The following PRELID2 variants were observed in gnomAD, a reference collection of about 807,000 sequenced individuals.
PRELID2 encodes the protein PRELI domain-containing protein 2.
A neutral mutation model predicts 28.4 loss-of-function variants in PRELID2; 25 were observed. The observed-to-expected ratio is 0.88, with a 90% confidence interval of 0.64 to 1.23. PRELID2 has a LOEUF of 1.23. Among genes scored for constraint, PRELID2 ranks in the 50% most tolerant of loss-of-function variants. The pLI is 0.00. For synonymous variants in PRELID2, 76 were observed against 71.6 expected, an observed-to-expected ratio of 1.06 and a Z score of -0.31; for missense variants, 201 against 214.4, an observed-to-expected ratio of 0.94 and a Z score of 0.39.
At chr5:145,250,334 C>T in the PRELID2 span, among the ~76,000 whole-genome samples, 2 of 152,084 alleles carry the variant, frequency 1.3e-5, no homozygotes, top group African/African-American at 4.8e-5. Context: ...ATACATTAAA[C>T]ATATTTGTAA....
intron 1 of PRELID2, among the ~76,000 whole-genome samples, chr5:145,683,486 T>A (rs1250859914): frequency 2.0e-5 from 3 of 152,256 alleles, no homozygotes; most frequent in Middle Eastern, 3.4e-3. Flanking sequence ...GATGTCAGGA[T>A]GTTTGGTTTC....
chr5:145,662,971 T>C (rs1754523250), intron 1 of PRELID2, among the ~76,000 whole-genome samples: 1 of 152,160 alleles, frequency 6.6e-6, no homozygotes, highest in Non-Finnish European at 1.5e-5. Flanking sequence ...AGTGAAAATA[T>C]AATGGCTTCT....
chr5:145,650,531 C>CATATATATATATATATAT (rs56324486), intron 1 of PRELID2, among the ~76,000 whole-genome samples: 2 of 68,732 alleles, frequency 2.9e-5, no homozygotes, highest in African/African-American at 5.2e-5. Flanking sequence ...CACATATATA[C>CATATATATATATATATAT]ATATATATAT....
At chr5:145,747,333 A>T (rs1277511865) in intron 1 of PRELID2, among the ~76,000 whole-genome samples, 2 of 152,144 alleles carry the variant, frequency 1.3e-5, no homozygotes, top group African/African-American at 2.4e-5. Context: ...ATAAAAAATG[A>T]TAAAGGGGAT....
chr5:145,818,048 T>A lies in PRELID2; in HGVS notation c.214A>T (p.Ile72Phe). Residue 72 changes from isoleucine (I) to phenylalanine (F), a missense_variant, in exon 4 of 7, where the codon ATT becomes TTT. Transcript: ENST00000683046. ...VVPEILRKVS[I>F]LKVPNIQLEE... Reference sequence around the variant, plus strand: ...AATTGGATATTAGGTACTTTCAAAATGCTCACCTGTCCAACAGAAAGAAAA... The same window carrying A: ...AATTGGATATTAGGTACTTTCAAAAAGCTCACCTGTCCAACAGAAAGAAAA... 2 of 1,611,946 alleles carry A rather than the reference T, an allele frequency of 1.2e-6. No homozygotes were observed. The highest frequency in any genetic ancestry group is 1.7e-6 in the Non-Finnish European group (2 of 1,178,978).
At chr5:145,231,240 C>T in the PRELID2 span, among the ~76,000 whole-genome samples, 2 of 151,344 alleles carry the variant, frequency 1.3e-5, no homozygotes, top group Non-Finnish European at 2.9e-5. Context: ...TTTGTCATGA[C>T]TTTTGACATT....
At chr5:145,501,846 T>A (rs1752362034) in intron 1 of PRELID2, among the ~76,000 whole-genome samples, 1 of 152,182 alleles carries the variant, frequency 6.6e-6, no homozygotes. Flanking sequence ...TCTATGTCCA[T>A]AACCCTCTGA....
chr5:145,409,855 C>T, the PRELID2 span, among the ~76,000 whole-genome samples: 16 of 151,872 alleles, frequency 1.1e-4, no homozygotes, highest in African/African-American at 3.1e-4. Flanking sequence ...ATAGCCAAAG[C>T]AAGACTAAGC....
intron 1 of PRELID2, among the ~76,000 whole-genome samples, chr5:145,677,750 C>T (rs1160632232): frequency 6.6e-6 from 1 of 152,190 alleles, no homozygotes; most frequent in East Asian, 1.9e-4. Flanking sequence ...CCACCATTCA[C>T]CTCAAGCACT....
chr5:145,703,683 C>A (rs1411518438), intron 1 of PRELID2, among the ~76,000 whole-genome samples: 1 of 152,178 alleles, frequency 6.6e-6, no homozygotes, highest in Non-Finnish European at 1.5e-5. Flanking sequence ...ATCAACTCCA[C>A]ACCAAAATCA....
chr5:145,811,082 CAAAAAAAAAAAAAAAAAAAAAAA>C (rs56978118), intron 4 of PRELID2, among the ~76,000 whole-genome samples: 1 of 26,730 alleles, frequency 3.7e-5, no homozygotes, highest in Non-Finnish European at 6.8e-5. Context: ...TGGCAGCAGG[CAAAAAAAAAAAAAAAAAAAAAAA>C]AAAAAAAAAA....
intron 1 of PRELID2, among the ~76,000 whole-genome samples, chr5:145,702,115 TATTG>T (rs1755423024): frequency 6.6e-6 from 1 of 152,108 alleles, no homozygotes; most frequent in South Asian, 2.1e-4. Context: ...TTTATTAATA[TATTG>T]ATTTATACAT....
At chr5:145,329,190 C>T in the PRELID2 span, among the ~76,000 whole-genome samples, 9 of 152,058 alleles carry the variant, frequency 5.9e-5, no homozygotes, top group Admixed American at 2.0e-4. Context: ...CTTGTAGTAT[C>T]GTTTGAGGTC....
chr5:145,262,253 T>A, the PRELID2 span, among the ~76,000 whole-genome samples: 2 of 152,002 alleles, frequency 1.3e-5, no homozygotes, highest in East Asian at 3.8e-4. Flanking sequence ...AAGAGAAATC[T>A]AAGTTTGGAA....
chr5:145,757,093 A>C lies in PRELID2; in HGVS notation c.*3443T>G, dbSNP rs75427318. Among the ~76,000 whole-genome samples the C allele has an allele frequency of 0.021, 3,139 of 152,350 alleles. 90 individuals are homozygous for C. Among genetic ancestry groups the C allele is most frequent in the East Asian group, 0.078 (407 of 5,192 alleles). ...TAGTTTGATGTAAATGATTGAAATA[A>C]AGTAAAAAAGATGTGCAAGTTAAAA... On this transcript the variant is annotated 3_prime_UTR_variant, in exon 7 of 7. Transcript: ENST00000683046.
At chr5:145,232,089 G>A in the PRELID2 span, among the ~76,000 whole-genome samples, 292 of 152,192 alleles carry the variant, frequency 1.9e-3, 1 homozygote, top group African/African-American at 6.6e-3. Context: ...CTAGTGTCTC[G>A]TGTAGAGGTT....
At chr5:145,462,825 C>T in the PRELID2 span, among the ~76,000 whole-genome samples, 1 of 152,176 alleles carries the variant, frequency 6.6e-6, no homozygotes, top group South Asian at 2.1e-4. Flanking sequence ...TAGTTGGCTC[C>T]TTAATCCTAG....
At chr5:145,457,601 AC>A in the PRELID2 span, among the ~76,000 whole-genome samples, 1 of 152,160 alleles carries the variant, frequency 6.6e-6, no homozygotes, top group Non-Finnish European at 1.5e-5. Context: ...AATGCTGGTG[AC>A]CTGATGGGCT....
chr5:145,622,561 A>G (rs1043165165), intron 1 of PRELID2, among the ~76,000 whole-genome samples: 3 of 152,254 alleles, frequency 2.0e-5, no homozygotes, highest in African/African-American at 7.2e-5. Context: ...TTTATTGTGT[A>G]TTCGTTAATA....
Sources: gnomAD v4.1 joint callset for allele counts (sites outside exome capture counted in the v4.1 genomes callset) on GRCh38, gnomAD v4.1.1 for gene constraint, MANE v1.5 for transcripts, NCBI Gene and HGNC (gene_info 2026-07-23, HGNC 2026-07-21) for gene names.